TRPM1: variants seen among roughly 807,000 people sequenced by gnomAD.
TRPM1 encodes TRPM1-203 APA Isoform, Intron 10.
TRPM1 carries 113 observed loss-of-function variants against 149.4 expected under a neutral mutation model. That is an observed-to-expected ratio of 0.76 (90% confidence interval 0.65 to 0.88). The LOEUF is 0.88. Among genes scored for constraint, TRPM1 ranks in the 40% least tolerant of loss-of-function variants. TRPM1 has a pLI of 0.00. For synonymous variants in TRPM1, 741 were observed against 759.5 expected (o/e 0.98, Z 0.40); for missense variants, 1,976 against 2,038.7 (o/e 0.97, Z 0.59).
rs199805074 is a variant in TRPM1 at position 31,040,177 on chromosome 15, T to C, written c.2257A>G (p.Met753Val). Residue 753 changes from methionine (M) to valine (V), a missense_variant, in exon 18 of 28, where the codon ATG becomes GTG. This residue lies in a region of TRPM1 where 1,332 missense variants were observed against 1,347.1 expected (regional missense o/e 0.99). Coordinates refer to ENST00000256552, the MANE Select transcript of TRPM1 (RefSeq NM_001252024.2). The surrounding 1 kb of genome is among the most constrained non-coding windows in gnomAD (Gnocchi z 4.2). ...RDFIAHTCSQ[M>V]LLTDMWMGRL... ...CCCATCCACATATCGGTCAGCAGCA[T>C]CTGGCTGCAGGTGTGAGCAATGAAG... 67 of 1,614,086 alleles carry C rather than the reference T, an allele frequency of 4.2e-5. No homozygotes were observed. Among genetic ancestry groups the C allele is most frequent in the Non-Finnish European group, 5.7e-5 (67 of 1,180,032 alleles).
chr15:31,063,582 T>C (rs1345625841), intron 7 of TRPM1, among the ~76,000 whole-genome samples: 1 of 152,088 alleles, frequency 6.6e-6, no homozygotes, highest in Non-Finnish European at 1.5e-5. Context: ...CACCTCAGCC[T>C]CCTGAGTAGC....
intron 15 of TRPM1, among the ~76,000 whole-genome samples, chr15:31,046,455 C>G (rs890388407): frequency 6.6e-6 from 1 of 152,130 alleles, no homozygotes; most frequent in African/African-American, 2.4e-5. Context: ...GACGCGTGGC[C>G]CTTATTCCAG....
intron 20 of TRPM1, among the ~76,000 whole-genome samples, chr15:31,036,871 C>T (rs1402525155): frequency 6.6e-6 from 1 of 152,262 alleles, no homozygotes; most frequent in African/African-American, 2.4e-5. Flanking sequence ...GCTCTGCCCC[C>T]AGCCCACCCT....
chr15:31,009,774 A>G (rs374878883), intron 27 of TRPM1, among the ~76,000 whole-genome samples: 1 of 152,036 alleles, frequency 6.6e-6, no homozygotes, highest in African/African-American at 2.4e-5. Context: ...TTCTGTTGTA[A>G]TATCTTCAAG....
intron 7 of TRPM1, chr15:31,065,131 T>A (rs776869421): frequency 3.7e-6 from 2 of 534,556 alleles, no homozygotes; most frequent in African/African-American, 3.8e-5. Flanking sequence ...ACAAGTCACA[T>A]GGCCAGGTGA....
At chr15:31,145,955 T>A (rs571651073) in intron 1 of TRPM1, among the ~76,000 whole-genome samples, 61 of 151,804 alleles carry the variant, frequency 4.0e-4, no homozygotes, top group African/African-American at 1.5e-3. Flanking sequence ...AAAAAACATC[T>A]CATAATGTTT....
intron 1 of TRPM1, among the ~76,000 whole-genome samples, chr15:31,145,088 A>G (rs1392172064): frequency 6.6e-6 from 1 of 152,054 alleles, no homozygotes; most frequent in East Asian, 1.9e-4. Flanking sequence ...AATTTTCTCC[A>G]ATATCTTACA....
chr15:31,078,098 G>A (rs551480879), intron 2 of TRPM1, among the ~76,000 whole-genome samples: 74 of 152,190 alleles, frequency 4.9e-4, no homozygotes, highest in African/African-American at 1.7e-3. Context: ...GGAGCCTTGT[G>A]TCCTTGGCCA....
At chr15:31,155,858 A>G (rs1596107310) in intron 1 of TRPM1, among the ~76,000 whole-genome samples, 1 of 152,228 alleles carries the variant, frequency 6.6e-6, no homozygotes, top group East Asian at 1.9e-4. Flanking sequence ...ATATAATGTG[A>G]CTTACTTTCC....
rs575959045 is a variant in TRPM1, at chr15:31,021,261, T to C, written c.3629+4878A>G. Among the ~76,000 whole-genome samples, 3 of 152,358 alleles carry C rather than the reference T, an allele frequency of 2.0e-5. No individual in the cohort carries two copies. In the East Asian group the frequency reaches 5.8e-4, roughly 29 times the overall value. On this transcript the variant is annotated intron_variant, in intron 27 of 27. Coordinates refer to ENST00000256552, the MANE Select transcript of TRPM1 (RefSeq NM_001252024.2). ...CCACCTCCTTCCTAAGACTGATCTC[T>C]CTTTCAGTTCCTCTAGTTACTATCT...
intron 21 of TRPM1, among the ~76,000 whole-genome samples, chr15:31,033,721 C>A (rs1316096137): frequency 6.6e-6 from 1 of 151,990 alleles, no homozygotes; most frequent in East Asian, 1.9e-4. Context: ...CGATGGCCAC[C>A]CTCTCTCTCC....
chr15:31,071,747 T>A (rs2034545333), intron 3 of TRPM1, among the ~76,000 whole-genome samples: 1 of 151,810 alleles, frequency 6.6e-6, no homozygotes, highest in African/African-American at 2.4e-5. Context: ...GTGGATCACT[T>A]GAGGTCAGGA....
chr15:31,047,723 G>A (rs551463128), intron 14 of TRPM1, among the ~76,000 whole-genome samples, 166 bp downstream of exon 14: 3 of 152,190 alleles, frequency 2.0e-5, no homozygotes, highest in Non-Finnish European at 4.4e-5. Context: ...ACTTAAAAAA[G>A]ATTATCCTTT....
chr15:31,088,987 T>C (rs779097833), intron 1 of TRPM1, among the ~76,000 whole-genome samples: 1 of 152,204 alleles, frequency 6.6e-6, no homozygotes, highest in African/African-American at 2.4e-5. Context: ...TCTTGGCTGA[T>C]GGGCAGTTCT....
rs116192592 is a variant in TRPM1, at chr15:31,066,050, G to T, written c.790+26C>A. 2,954 of 1,611,066 alleles carry T rather than the reference G, an allele frequency of 1.8e-3. 62 individuals carry two copies. In the African/African-American group the frequency reaches 0.035, roughly 19 times the overall value. On this transcript the variant is annotated intron_variant, in intron 7 of 27. Transcript: ENST00000256552. ...CACTGTGATGGCATCAGCCCAGGAG[G>T]ACTGCGTGCCTTTGCCAGCACTTAC...
intron 1 of TRPM1, among the ~76,000 whole-genome samples, chr15:31,153,071 G>C (rs1201429196): frequency 2.0e-5 from 3 of 152,174 alleles, no homozygotes; most frequent in Non-Finnish European, 4.4e-5. Context: ...ATATTTCTTT[G>C]ACATATTTTG....
Position 31,031,041 on chromosome 15 carries a change from G to A in TRPM1, c.3069C>T (p.Asn1023=). The A allele has an allele frequency of 6.2e-7, 1 of 1,614,194 alleles. No individual in the cohort carries two copies. ...TCATCCAGTAGGGCATGTAGAAGAT[G>A]TTTCGGGCCAGTTTCCAAGAGGGCT... ...EEKPSWKLAR[N]IFYMPYWMIY... is the part of the protein sequence containing the mutation. Residue 1023 remains asparagine, a synonymous_variant, in exon 23 of 28, where the codon AAC becomes AAT. Transcript: ENST00000256552.
intron 3 of TRPM1, among the ~76,000 whole-genome samples, chr15:31,072,012 T>TAGAGAGAGAG (rs1267389114): frequency 1.1e-4 from 3 of 28,494 alleles, no homozygotes; most frequent in Non-Finnish European, 1.4e-4. Context: ...TATATATATA[T>TAGAGAGAGAG]ATATATAGAG....
chr15:31,007,311 G>A (rs2032026297), intron 27 of TRPM1, among the ~76,000 whole-genome samples: 1 of 151,992 alleles, frequency 6.6e-6, no homozygotes, highest in South Asian at 2.1e-4. Context: ...CTCTATTTGG[G>A]TAGATCTACT....
Sources: allele counts gnomAD v4.1 joint callset (sites outside exome capture counted in the v4.1 genomes callset), GRCh38; gene constraint gnomAD v4.1.1; regional missense constraint gnomAD v4.1.1; non-coding constraint Gnocchi (gnomAD v3.1); transcripts MANE v1.5; gene names NCBI Gene and HGNC (gene_info 2026-07-23, HGNC 2026-07-21).